Variants in GABRB2 observed in about 807,000 individuals in gnomAD.
GABRB2 encodes the protein gamma-aminobutyric acid type A receptor subunit beta2.
GABRB2 carries 16 observed loss-of-function variants against 54.7 expected under a neutral mutation model. The ratio of observed to expected loss-of-function variants is 0.29; its 90% CI spans 0.20 to 0.44. The LOEUF is 0.44. GABRB2 is among the 20% of genes least tolerant of loss of function. GABRB2 has a pLI of 1.00. For synonymous variants in GABRB2, 244 were observed against 233.8 expected, an observed-to-expected ratio of 1.04 and a Z score of -0.40; for missense variants, 355 against 644.0, an observed-to-expected ratio of 0.55 and a Z score of 4.86.
Position 161,414,743 on chromosome 5 carries a change from T to A in GABRB2, c.459-3686A>T, listed in dbSNP as rs187080873. 9.8e-3 allele frequency among the ~76,000 whole-genome samples: 1,481 copies of A among 151,178 alleles called. 12 individuals are homozygous for A. The highest frequency in any genetic ancestry group is 0.014 in the Non-Finnish European group (977 of 67,752). ...CCAAATAAAAAATATTAATTATTAT[T>A]ATAATAATAAAACAAATATAACAAT... On this transcript the variant is annotated intron_variant, in intron 4 of 9. Transcript: ENST00000393959.
intron 3 of GABRB2, among the ~76,000 whole-genome samples, chr5:161,535,955 C>G (rs1760621586): frequency 6.6e-6 from 1 of 152,088 alleles, no homozygotes; most frequent in African/African-American, 2.4e-5. Flanking sequence ...GTACCTCCCC[C>G]TACTGGCTTC....
chr5:161,538,683 T>A (rs1156542382), intron 3 of GABRB2, among the ~76,000 whole-genome samples: 1 of 151,920 alleles, frequency 6.6e-6, no homozygotes, highest in Non-Finnish European at 1.5e-5. Context: ...AATTAGTTGG[T>A]CATGGTGGCA....
intron 5 of GABRB2, among the ~76,000 whole-genome samples, chr5:161,347,172 C>G (rs557988399): frequency 6.6e-6 from 1 of 152,218 alleles, no homozygotes; most frequent in South Asian, 2.1e-4. Context: ...AAGTACTTTA[C>G]ATGCATTGCC....
At chr5:161,301,486 T>C (rs1757536698) in intron 9 of GABRB2, among the ~76,000 whole-genome samples, 1 of 152,054 alleles carries the variant, frequency 6.6e-6, no homozygotes, top group African/African-American at 2.4e-5. Context: ...AGAAGGACCA[T>C]GTGGCAATCT....
rs889913831 is a variant in GABRB2, at chr5:161,292,130, T to C, written c.*1951A>G. On this transcript the variant is annotated 3_prime_UTR_variant, in exon 10 of 10. Coordinates refer to ENST00000393959, the MANE Select transcript of GABRB2 (RefSeq NM_001371727.1). ...AAATACCATTCCATTTTGGGGCAAA[T>C]TCAGAAAGCTGAAGGATAAAGGTTT... 2.6e-5 allele frequency: 4 copies of C among 152,126 alleles called. No homozygotes were observed. The highest frequency in any genetic ancestry group is 4.4e-5 in the Non-Finnish European group (3 of 68,024). 9.4% of individuals were successfully genotyped at this position (152,126 alleles called of 1,614,324 possible). A position where few individuals can be genotyped will look rare whatever the true frequency, so the allele number is the denominator to read the frequency against.
At chr5:161,336,103 T>C (rs1368439436) in intron 6 of GABRB2, among the ~76,000 whole-genome samples, 1 of 152,182 alleles carries the variant, frequency 6.6e-6, no homozygotes, top group African/African-American at 2.4e-5. Context: ...AGGGTGAAGA[T>C]GGCAAAGGCC....
intron 3 of GABRB2, among the ~76,000 whole-genome samples, chr5:161,484,705 A>C (rs1758865420): frequency 6.6e-6 from 1 of 151,962 alleles, no homozygotes; most frequent in African/African-American, 2.4e-5. Flanking sequence ...AATGAATTCA[A>C]TTGTCTCTAT....
chr5:161,330,024 AACTTTT>A (rs1753783782), intron 8 of GABRB2: 1 of 152,158 alleles, frequency 6.6e-6, no homozygotes, highest in African/African-American at 2.4e-5. Flanking sequence ...TAACTTGGGG[AACTTTT>A]TAAAATTGTG....
At chr5:161,538,710 G>A (rs1760720460) in intron 3 of GABRB2, among the ~76,000 whole-genome samples, 1 of 152,106 alleles carries the variant, frequency 6.6e-6, no homozygotes, top group Admixed American at 6.5e-5. Context: ...TGTAGTCCCA[G>A]CTACTCGGGA....
rs1004479769 is a variant in GABRB2 at position 161,496,972 on chromosome 5, T to A, written c.238-37128A>T. On this transcript the variant is annotated intron_variant, in intron 3 of 9. Transcript: ENST00000393959. ...GCTGTATTTCCCATCAAACTCATGA[T>A]CCTCAGATGCCTTTGGGTATTTTTC... is the stretch of plus-strand genomic sequence containing the variant. Among the ~76,000 whole-genome samples the A allele has an allele frequency of 2.6e-5, 4 of 152,130 alleles. No individual in the cohort carries two copies. In the East Asian group the frequency reaches 7.7e-4, roughly 29 times the overall value.
intron 4 of GABRB2, among the ~76,000 whole-genome samples, chr5:161,428,837 C>T (rs1440700708): frequency 6.6e-6 from 1 of 151,960 alleles, no homozygotes; most frequent in Non-Finnish European, 1.5e-5. Context: ...CATTATTTAA[C>T]CTACTTGAGA....
At chr5:161,490,058 T>C (rs1405600223) in intron 3 of GABRB2, among the ~76,000 whole-genome samples, 1 of 151,626 alleles carries the variant, frequency 6.6e-6, no homozygotes, top group Non-Finnish European at 1.5e-5. Context: ...GAAAAAAAAA[T>C]CTGCCCTACA....
At chr5:161,465,637 T>C (rs1184018434) in intron 3 of GABRB2, among the ~76,000 whole-genome samples, 2 of 152,148 alleles carry the variant, frequency 1.3e-5, no homozygotes, top group African/African-American at 2.4e-5. Context: ...GTGTTTCTTA[T>C]CTTTTTTAAG....
chr5:161,482,929 A>C lies in GABRB2; in HGVS notation c.238-23085T>G, dbSNP rs183821107. Reference sequence around the variant, plus strand: ...GATTTTACATATCATCAGCCTAGACAAAATGTGCTCCACACAATGATAGTT... The same window carrying C: ...GATTTTACATATCATCAGCCTAGACCAAATGTGCTCCACACAATGATAGTT... On this transcript the variant is annotated intron_variant, in intron 3 of 9. Transcript: ENST00000393959. Among the ~76,000 whole-genome samples, 32 of 152,218 alleles carry C rather than the reference A, an allele frequency of 2.1e-4. No homozygotes were observed. The East Asian group carries it at 6.2e-3, about 29-fold the overall frequency.
rs1314257640 is a variant in GABRB2, at chr5:161,290,636, A to G, written c.*3445T>C. 6.6e-6 allele frequency: 1 copy of G among 152,588 alleles called. No homozygotes were observed. The highest frequency in any genetic ancestry group is 2.4e-5 in the African/African-American group (1 of 41,454). The allele number at this position is 152,588 out of a possible 1,614,324, so 9.5% of individuals were successfully genotyped here. ...TGCATATATATGTATGTATGTTTAT[A>G]TGAATCTATATATACACATATATAC... On this transcript the variant is annotated 3_prime_UTR_variant, in exon 10 of 10. Coordinates refer to ENST00000393959, the MANE Select transcript of GABRB2 (RefSeq NM_001371727.1).
At chr5:161,497,908 T>G (rs1303600760) in intron 3 of GABRB2, among the ~76,000 whole-genome samples, 1 of 152,140 alleles carries the variant, frequency 6.6e-6, no homozygotes, top group Non-Finnish European at 1.5e-5. Flanking sequence ...CACTTGTCTA[T>G]CTCTTTGAGT....
chr5:161,407,889 T>C (rs1756392845), intron 5 of GABRB2, among the ~76,000 whole-genome samples: 1 of 151,990 alleles, frequency 6.6e-6, no homozygotes, highest in Non-Finnish European at 1.5e-5. Context: ...CCCATTTAAT[T>C]CTGCAAATCT....
At chr5:161,307,261 C>T (rs1757715868) in intron 9 of GABRB2, among the ~76,000 whole-genome samples, 1 of 152,160 alleles carries the variant, frequency 6.6e-6, no homozygotes. Flanking sequence ...TCCTTCACTG[C>T]TCTTATTTCC....
chr5:161,315,897 G>A (rs1315364924), intron 9 of GABRB2, among the ~76,000 whole-genome samples: 2 of 152,068 alleles, frequency 1.3e-5, no homozygotes, highest in Non-Finnish European at 2.9e-5. Context: ...TTGCTAACAC[G>A]AGGAATTATT....
Sources: gnomAD v4.1 joint callset for allele counts (sites outside exome capture counted in the v4.1 genomes callset) on GRCh38, gnomAD v4.1.1 for gene constraint, MANE v1.5 for transcripts, NCBI Gene and HGNC (gene_info 2026-07-23, HGNC 2026-07-21) for gene names.